LAMP5: variants seen among roughly 807,000 people sequenced by gnomAD.
The protein encoded by LAMP5 is lysosome associated membrane protein 5, also known as lysosome-associated membrane glycoprotein 5.
A neutral mutation model predicts 30.2 loss-of-function variants in LAMP5; 36 were observed. That is an observed-to-expected ratio of 1.19 (90% CI 0.91 to 1.57). The LOEUF is 1.57. Ranked by LOEUF, LAMP5 falls within the 40% of genes most tolerant of loss-of-function variation. The pLI is 0.00. For missense variants in LAMP5, 377 were observed against 354.9 expected, an observed-to-expected ratio of 1.06 and a Z score of -0.50; for synonymous variants, 149 against 134.6, an observed-to-expected ratio of 1.11 and a Z score of -0.74.
rs377263085 is a variant in LAMP5 at position 9,518,023 on chromosome 20, C to T, written c.476-17C>T. 5.4e-4 allele frequency: 640 copies of T among 1,188,612 alleles called. 1 individual carries two copies. The African/African-American group carries it at 0.016, about 30-fold the overall frequency. 73.6% of individuals were successfully genotyped at this position (1,188,612 alleles called of 1,614,324 possible). ...AACAATGAGGGTTCTAACTATTGCT[C>T]TGGGCTCTTGCTGTAGCTGGGAAGC... On this transcript the variant is annotated splice_polypyrimidine_tract_variant and intron_variant, in intron 4 of 5. Transcript: ENST00000246070.
Position 9,518,086 on chromosome 20 carries a change from C to T in LAMP5, c.522C>T (p.Thr174=), listed in dbSNP as rs780164560. 6.4e-5 allele frequency: 104 copies of T among 1,614,000 alleles called. No individual in the cohort carries two copies. The highest frequency in any genetic ancestry group is 9.3e-6 in the Non-Finnish European group (11 of 1,180,030). Residue 174 remains threonine, a synonymous_variant, in exon 5 of 6, where the codon ACC becomes ACT. Coordinates refer to ENST00000246070, the MANE Select transcript of LAMP5 (RefSeq NM_012261.4). ...ANSHHLSALV[T]PAGKSYECQA... ...CGCACCACCTCTCTGCCTTGGTCAC[C>T]CCCGCTGGGAAGTCCTATGAGTGTC...
rs150144175 is a variant in LAMP5 at position 9,522,455 on chromosome 20, A to G, written c.664+4227A>G. ...TCCCAGTCAAGAAACATGCCACCCT[A>G]CATAGTTGGTCCTCAAGGCCTCCTG... On this transcript the variant is annotated intron_variant, in intron 5 of 5. Coordinates refer to ENST00000246070, the MANE Select transcript of LAMP5 (RefSeq NM_012261.4). Among the ~76,000 whole-genome samples, 39 of 152,294 alleles carry G rather than the reference A, an allele frequency of 2.6e-4. 1 individual carries two copies. In the East Asian group the frequency reaches 7.1e-3, roughly 28 times the overall value.
intron 5 of LAMP5, 76 bp downstream of exon 5, chr20:9,518,304 C>T: frequency 1.5e-6 from 2 of 1,324,004 alleles, no homozygotes; most frequent in Non-Finnish European, 2.1e-6. Flanking sequence ...TACCAGGGCC[C>T]CAGGATGTTA....
chr20:9,528,882 C>T (rs1279912725), intron 5 of LAMP5, among the ~76,000 whole-genome samples: 1 of 152,206 alleles, frequency 6.6e-6, no homozygotes, highest in Non-Finnish European at 1.5e-5. Flanking sequence ...AATTTTCTGT[C>T]AGCATAATAT....
At chr20:9,517,850 C>T (rs2045052086) in intron 4 of LAMP5, among the ~76,000 whole-genome samples, 190 bp from the exon 5 acceptor site, 2 of 152,144 alleles carry the variant, frequency 1.3e-5, no homozygotes, top group African/African-American at 4.8e-5. Context: ...AGAGCCCTGG[C>T]TCTCAAGATA....
At chr20:9,516,485 C>A in intron 4 of LAMP5, 124 bp downstream of exon 4, 2 of 809,242 alleles carry the variant, frequency 2.5e-6, no homozygotes, top group South Asian at 1.6e-5. Flanking sequence ...AGTCTTCCCT[C>A]GGCTTGCTCT....
intron 1 of LAMP5, 80 bp from the exon 2 acceptor site, chr20:9,515,373 G>A (rs2045028308): frequency 7.3e-7 from 1 of 1,369,114 alleles, no homozygotes. Context: ...AAAGCCTGCA[G>A]AGCACTGTCT....
chr20:9,526,108 T>A (rs1406638120), intron 5 of LAMP5, among the ~76,000 whole-genome samples: 1 of 152,188 alleles, frequency 6.6e-6, no homozygotes, highest in Non-Finnish European at 1.5e-5. Context: ...TGGGGCCTAC[T>A]CAAGTAGCAG....
chr20:9,529,411 A>C (rs1158899329), intron 5 of LAMP5, among the ~76,000 whole-genome samples: 3 of 152,256 alleles, frequency 2.0e-5, no homozygotes, highest in Non-Finnish European at 4.4e-5. Flanking sequence ...GACATCTGCC[A>C]GGAATCCAAT....
At chr20:9,522,332 C>G (rs190158221) in intron 5 of LAMP5, among the ~76,000 whole-genome samples, 21 of 152,194 alleles carry the variant, frequency 1.4e-4, no homozygotes, top group Admixed American at 5.9e-4. Flanking sequence ...ATATACCAGC[C>G]CCCCAGTAGA....
intron 5 of LAMP5, among the ~76,000 whole-genome samples, chr20:9,522,245 C>T (rs753954477): frequency 3.9e-5 from 6 of 152,218 alleles, no homozygotes; most frequent in Non-Finnish European, 5.9e-5. Context: ...GATTGGGAGA[C>T]GCCACTTAAT....
rs1303412589 is a variant in LAMP5, at chr20:9,526,872, A to G, written c.665-2770A>G. On this transcript the variant is annotated intron_variant, in intron 5 of 5. Transcript: ENST00000246070. ...TATGTGTGTGTGTGTATATATATAT[A>G]TATATATATATATATATATATATAT... is the stretch of plus-strand genomic sequence containing the variant. 5.8e-3 allele frequency among the ~76,000 whole-genome samples: 601 copies of G among 103,220 alleles called. 18 individuals carry two copies. The East Asian group carries it at 0.1, about 17-fold the overall frequency. 67.7% of individuals were successfully genotyped at this position (103,220 alleles called of 152,430 possible).
chr20:9,525,630 A>G (rs1234126345), intron 5 of LAMP5, among the ~76,000 whole-genome samples: 1 of 152,228 alleles, frequency 6.6e-6, no homozygotes, highest in Non-Finnish European at 1.5e-5. Flanking sequence ...CTAACTATAT[A>G]TCTGTTTATT....
intron 5 of LAMP5, among the ~76,000 whole-genome samples, chr20:9,519,086 C>A (rs532058880): frequency 6.6e-6 from 1 of 152,298 alleles, no homozygotes; most frequent in East Asian, 1.9e-4. Context: ...GGAGTCAAAA[C>A]CTCTGCAATT....
chr20:9,520,002 C>G (rs1448114517), intron 5 of LAMP5, among the ~76,000 whole-genome samples: 1 of 152,180 alleles, frequency 6.6e-6, no homozygotes, highest in African/African-American at 2.4e-5. Context: ...GAGCTACTTT[C>G]CTAAAAATCA....
At chr20:9,518,907 A>AGG (rs16671) in intron 5 of LAMP5, among the ~76,000 whole-genome samples, 90,686 of 151,950 alleles carry the variant, frequency 0.6, 27,188 homozygotes, top group East Asian at 0.61. Context: ...CAGGGAGGGA[A>AGG]GGGTACCTGA....
chr20:9,529,339 A>G (rs1156776377), intron 5 of LAMP5, among the ~76,000 whole-genome samples: 5 of 152,228 alleles, frequency 3.3e-5, no homozygotes, highest in Non-Finnish European at 7.3e-5. Flanking sequence ...AATAAAAACA[A>G]TGATGATTGT....
At position 9,524,237 on chromosome 20, in the gene LAMP5, T is replaced by G. The variant is rs545280103; in HGVS notation, c.665-5405T>G. Among the ~76,000 whole-genome samples, 74 of 152,346 alleles carry G rather than the reference T, an allele frequency of 4.9e-4. No individual in the cohort carries two copies. The Middle Eastern group carries it at 0.01, about 21-fold the overall frequency. On this transcript the variant is annotated intron_variant, in intron 5 of 5. Coordinates refer to ENST00000246070, the MANE Select transcript of LAMP5 (RefSeq NM_012261.4). ...ACTTTCCCTTGTAATTGTATGTATT[T>G]TATTTTTTATTCATTCATAAACATT...
At position 9,530,040 on chromosome 20, in the gene LAMP5, T is replaced by TGGGGAGGA. The variant is rs1253830829; in HGVS notation, c.*232_*239dup. 9.2e-6 allele frequency: 4 copies of TGGGGAGGA among 435,870 alleles called. No individual in the cohort carries two copies. Among genetic ancestry groups the TGGGGAGGA allele is most frequent in the African/African-American group, 4.0e-5 (2 of 49,884 alleles). 27.0% of individuals were successfully genotyped at this position (435,870 alleles called of 1,614,324 possible). A position where few individuals can be genotyped will look rare whatever the true frequency, so the allele number is the denominator to read the frequency against. ...GAAATGGCAATTATTCTCTCCATGC[T>TGGGGAGGA]GGGGAGGAGGGGAGGAGGGTCTCAG... is the stretch of plus-strand genomic sequence containing the variant. On this transcript the variant is annotated 3_prime_UTR_variant, in exon 6 of 6. Coordinates refer to ENST00000246070, the MANE Select transcript of LAMP5 (RefSeq NM_012261.4).
Sources: gnomAD v4.1 joint callset for allele counts (sites outside exome capture counted in the v4.1 genomes callset) on GRCh38, gnomAD v4.1.1 for gene constraint, MANE v1.5 for transcripts, NCBI Gene and HGNC (gene_info 2026-07-23, HGNC 2026-07-21) for gene names.